Variants in SASS6 observed in about 807,000 individuals in gnomAD.
The protein encoded by SASS6 is SAS-6 centriolar assembly protein, also known as spindle assembly abnormal protein 6 homolog.
SASS6 carries 59 observed loss-of-function variants against 94.9 expected under a neutral mutation model. The ratio of observed to expected loss-of-function variants is 0.62; its 90% CI spans 0.50 to 0.77. The LOEUF (loss-of-function observed/expected upper bound fraction) is 0.77. SASS6 is among the 30% of genes least tolerant of loss of function. The pLI is 0.00. For synonymous variants in SASS6, 264 were observed against 270.0 expected, an observed-to-expected ratio of 0.98 and a Z score of 0.22; for missense variants, 698 against 734.1, an observed-to-expected ratio of 0.95 and a Z score of 0.57.
At chr1:100,111,235 C>T (rs1383029282) in intron 7 of SASS6, among the ~76,000 whole-genome samples, 2 of 152,016 alleles carry the variant, frequency 1.3e-5, no homozygotes, top group Non-Finnish European at 2.9e-5. Flanking sequence ...GGAGTACTCT[C>T]TTCCACTCGT....
intron 13 of SASS6, among the ~76,000 whole-genome samples, chr1:100,104,071 A>C (rs1041445547): frequency 6.6e-6 from 1 of 152,206 alleles, no homozygotes; most frequent in Non-Finnish European, 1.5e-5. Flanking sequence ...ATTGGAAGCT[A>C]CTGGGAAATG....
chr1:100,115,157 C>T (rs1181571451), intron 7 of SASS6, among the ~76,000 whole-genome samples: 1 of 152,014 alleles, frequency 6.6e-6, no homozygotes, highest in Non-Finnish European at 1.5e-5. Flanking sequence ...ACATATCTAC[C>T]TGGAAAACCT....
chr1:100,113,882 C>T (rs1653587218), intron 7 of SASS6, among the ~76,000 whole-genome samples: 1 of 152,038 alleles, frequency 6.6e-6, no homozygotes, highest in Admixed American at 6.5e-5. Context: ...ATAACAGCCA[C>T]ATACAATGGC....
At position 100,132,889 on chromosome 1, in the gene SASS6, G is replaced by A. The variant is rs1655198886; in HGVS notation, c.-75C>T. ...CCTCGGGATTAGCCTGAGAGGTCCG[G>A]GTCCTGATAAAGTTTGAGTTTGGCG... On this transcript the variant is annotated 5_prime_UTR_variant, in exon 1 of 17. Coordinates refer to ENST00000287482, the MANE Select transcript of SASS6 (RefSeq NM_194292.3). 2.9e-6 allele frequency: 4 copies of A among 1,384,846 alleles called. No individual in the cohort carries two copies. In the South Asian group the frequency reaches 3.5e-5, roughly 12 times the overall value. The allele number at this position is 1,384,846 out of a possible 1,614,324, so 85.8% of individuals were successfully genotyped here.
intron 14 of SASS6, among the ~76,000 whole-genome samples, chr1:100,097,279 C>T (rs1652169341): frequency 6.6e-6 from 1 of 152,114 alleles, no homozygotes; most frequent in Non-Finnish European, 1.5e-5. Flanking sequence ...TCTTAAAAAT[C>T]AAACATATGC....
Position 100,085,374 on chromosome 1 carries a change from G to A in SASS6, c.1928C>T (p.Pro643Leu). The change falls in exon 17 of 17, where the codon CCC (proline) becomes CTC (leucine). Residue 643 changes from proline (P) to leucine (L), a missense_variant. Transcript: ENST00000287482. ...LHTSSKPTAL[P>L]SASSAYFPGQ... ...AGGGAAATAGGCTGAAGACGCAGAG[G>A]GGAGCGCTGTGGGTTTGGAAGATGT... 1 of 1,613,652 alleles carries A rather than the reference G, an allele frequency of 6.2e-7. No homozygotes were observed. The highest frequency in any genetic ancestry group is 8.5e-7 in the Non-Finnish European group (1 of 1,179,602).
At chr1:100,120,298 T>G in intron 6 of SASS6, 96 bp downstream of exon 6, 1 of 663,698 alleles carries the variant, frequency 1.5e-6, no homozygotes. Flanking sequence ...AAGCATGCTT[T>G]GAAAGAAAAT....
intron 13 of SASS6, among the ~76,000 whole-genome samples, chr1:100,105,454 G>A (rs1393147197): frequency 6.6e-6 from 1 of 151,952 alleles, no homozygotes; most frequent in Non-Finnish European, 1.5e-5. Flanking sequence ...GTGAACCCGG[G>A]AGGCGGAGCT....
intron 15 of SASS6, among the ~76,000 whole-genome samples, chr1:100,086,195 T>C (rs1052199868): frequency 2.6e-5 from 4 of 152,158 alleles, no homozygotes; most frequent in Non-Finnish European, 5.9e-5. Context: ...ACGGTTTCCC[T>C]AGTATTACTT....
chr1:100,085,068 T>C lies in SASS6; in HGVS notation c.*260A>G, dbSNP rs1426407666. The C allele has an allele frequency of 2.6e-6, 1 of 379,172 alleles. No individual in the cohort carries two copies. Among genetic ancestry groups the C allele is most frequent in the Non-Finnish European group, 4.8e-6 (1 of 208,556 alleles). 23.5% of individuals were successfully genotyped at this position (379,172 alleles called of 1,614,324 possible). On this transcript the variant is annotated 3_prime_UTR_variant, in exon 17 of 17. Coordinates refer to ENST00000287482, the MANE Select transcript of SASS6 (RefSeq NM_194292.3). ...TAGAACTGAATTTCTAAAGAATAGC[T>C]TAATAAAATTCATATTATTCTATAA...
In SASS6 at chr1:100,110,472, T is replaced by A. The variant is rs1177474472; in HGVS notation, c.681A>T (p.Gln227His). 1 of 1,597,106 alleles carries A rather than the reference T, an allele frequency of 6.3e-7. No homozygotes were observed. ...EKEKALQAQV[Q>H]YQQQHEQQKK... Reference sequence around the variant, plus strand: ...TCTGTTGTTCATGCTGCTGTTGATATTGAACCTGTGCCTATGATACAATAA... The same window carrying A: ...TCTGTTGTTCATGCTGCTGTTGATAATGAACCTGTGCCTATGATACAATAA... The change falls in exon 8 of 17, where the codon CAA becomes CAT. Residue 227 changes from glutamine to histidine, a missense_variant. Gln to His is a conservative substitution (Grantham distance 24). Transcript: ENST00000287482.
intron 1 of SASS6, among the ~76,000 whole-genome samples, chr1:100,130,762 A>G (rs1654950307): frequency 6.6e-6 from 1 of 152,014 alleles, no homozygotes; most frequent in Non-Finnish European, 1.5e-5. Context: ...GGATCACCAA[A>G]TTATTCTGTA....
chr1:100,089,641 T>C (rs1177964015), intron 14 of SASS6, among the ~76,000 whole-genome samples: 3 of 152,082 alleles, frequency 2.0e-5, no homozygotes, highest in African/African-American at 7.2e-5. Flanking sequence ...AACCTAAAGT[T>C]CTATATTCAG....
At chr1:100,117,665 GA>G (rs1254732592) in intron 7 of SASS6, among the ~76,000 whole-genome samples, 2 of 123,226 alleles carry the variant, frequency 1.6e-5, no homozygotes, top group South Asian at 2.8e-4. Context: ...AATAAAAAAT[GA>G]AAAAAAAAAC....
At chr1:100,125,333 C>T (rs1307606600) in intron 2 of SASS6, among the ~76,000 whole-genome samples, 1 of 150,144 alleles carries the variant, frequency 6.7e-6, no homozygotes, top group East Asian at 1.9e-4. Flanking sequence ...GTGCACTGGG[C>T]AAATCTAAGG....
chr1:100,121,542 G>C lies in SASS6; in HGVS notation c.319C>G (p.Leu107Val). The C allele has an allele frequency of 6.4e-7, 1 of 1,570,660 alleles. No individual in the cohort carries two copies. Among genetic ancestry groups the C allele is most frequent in the Non-Finnish European group, 8.7e-7 (1 of 1,151,122 alleles). ...EHAKEIPRFL[L>V]QLVSPAAILD... The stretch of plus-strand genomic sequence containing the variant: ...ATAGCTGCTGGAGAAACTAACTGTA[G>C]CAAAAACCTTTGAAAAGAAAATGTT... Residue 107 changes from leucine (L) to valine (V), a missense_variant, in exon 5 of 17, where the codon CTA becomes GTA. Coordinates refer to ENST00000287482, the MANE Select transcript of SASS6 (RefSeq NM_194292.3).
intron 14 of SASS6, among the ~76,000 whole-genome samples, chr1:100,097,552 T>C (rs1652188765): frequency 6.6e-6 from 1 of 152,136 alleles, no homozygotes; most frequent in Non-Finnish European, 1.5e-5. Context: ...GGGCCAGGCA[T>C]GGTGGCTCAC....
chr1:100,091,932 T>C (rs1236958294), intron 14 of SASS6, among the ~76,000 whole-genome samples: 2 of 141,524 alleles, frequency 1.4e-5, no homozygotes, highest in East Asian at 2.1e-4. Context: ...TGCTTGATCC[T>C]GGGAGGTCAA....
intron 13 of SASS6, 151 bp downstream of exon 13, chr1:100,105,616 G>A: frequency 1.5e-6 from 1 of 656,362 alleles, no homozygotes; most frequent in South Asian, 2.1e-5. Flanking sequence ...TCCACTTCCA[G>A]GGGCAACTTA....
Sources: gnomAD v4.1 joint callset for allele counts (sites outside exome capture counted in the v4.1 genomes callset) on GRCh38, gnomAD v4.1.1 for gene constraint, MANE v1.5 for transcripts, NCBI Gene and HGNC (gene_info 2026-07-23, HGNC 2026-07-21) for gene names.